IQCJ: variants seen among roughly 807,000 people sequenced by gnomAD.
IQCJ encodes the protein IQ domain-containing protein J.
Under a neutral mutation model 11.0 loss-of-function variants are expected in IQCJ, and 9 were observed. The ratio of observed to expected loss-of-function variants is 0.82; its 90% CI spans 0.49 to 1.43. The LOEUF is 1.43. Ranked by LOEUF, IQCJ falls within the 40% of genes most tolerant of loss-of-function variation. IQCJ has a pLI of 0.00. For synonymous variants in IQCJ, 55 were observed against 51.3 expected, an observed-to-expected ratio of 1.07 and a Z score of -0.31; for missense variants, 146 against 133.2, an observed-to-expected ratio of 1.10 and a Z score of -0.47.
chr3:159,095,334 C>A (rs1717654601), intron 1 of IQCJ, among the ~76,000 whole-genome samples: 1 of 151,704 alleles, frequency 6.6e-6, no homozygotes, highest in Admixed American at 6.6e-5. Flanking sequence ...ATAGAGACGA[C>A]AGATCAAGAG....
intron 1 of IQCJ, among the ~76,000 whole-genome samples, chr3:159,071,845 A>G (rs889803032): frequency 9.2e-5 from 14 of 152,084 alleles, no homozygotes; most frequent in Admixed American, 9.2e-4. Context: ...AATACCTAAA[A>G]TGATTGTAAA....
chr3:159,245,754 G>A (rs768684038), intron 1 of IQCJ, 89 bp from the exon 2 acceptor site: 3 of 1,119,612 alleles, frequency 2.7e-6, no homozygotes, highest in Admixed American at 4.6e-5. Flanking sequence ...ATGTTGTGTT[G>A]TATCAATTTT....
chr3:159,192,160 G>A (rs1338098766), intron 1 of IQCJ, among the ~76,000 whole-genome samples: 1 of 152,156 alleles, frequency 6.6e-6, no homozygotes, highest in Non-Finnish European at 1.5e-5. Context: ...AGATGATCTT[G>A]TTGGTAAAAA....
chr3:159,136,650 G>A (rs1314378642), intron 1 of IQCJ, among the ~76,000 whole-genome samples: 1 of 152,154 alleles, frequency 6.6e-6, no homozygotes, highest in Non-Finnish European at 1.5e-5. Flanking sequence ...GTTCTCACTG[G>A]TGGAAGGAGC....
chr3:159,094,619 C>A lies in IQCJ; in HGVS notation c.9+25178C>A, dbSNP rs539601258. 3.7e-4 allele frequency among the ~76,000 whole-genome samples: 56 copies of A among 151,574 alleles called. 1 individual carries two copies. The highest frequency in any genetic ancestry group is 1.3e-3 in the African/African-American group (53 of 41,042). On this transcript the variant is annotated intron_variant, in intron 1 of 3. Transcript: ENST00000397832. The stretch of plus-strand genomic sequence containing the variant: ...AAAATGGAGAGAGCCAATGTGTCAC[C>A]CTGGGATGAGTTCACTGAGAAGCAG...
At chr3:159,074,313 G>T (rs1715775839) in intron 1 of IQCJ, among the ~76,000 whole-genome samples, 1 of 151,970 alleles carries the variant, frequency 6.6e-6, no homozygotes, top group Non-Finnish European at 1.5e-5. Context: ...AAATAAAAAA[G>T]ACATGAAAAA....
intron 1 of IQCJ, among the ~76,000 whole-genome samples, chr3:159,234,512 A>G (rs1013087318): frequency 1.1e-4 from 17 of 152,166 alleles, no homozygotes; most frequent in African/African-American, 3.9e-4. Context: ...GAGTTAAATT[A>G]TTGGAGATGG....
chr3:159,225,265 T>C (rs1475940197), intron 1 of IQCJ, among the ~76,000 whole-genome samples: 1 of 152,106 alleles, frequency 6.6e-6, no homozygotes, highest in African/African-American at 2.4e-5. Flanking sequence ...CACAAAATTA[T>C]GTGAAAAAAG....
chr3:159,193,726 CA>C (rs1723818591), intron 1 of IQCJ, among the ~76,000 whole-genome samples: 1 of 152,124 alleles, frequency 6.6e-6, no homozygotes, highest in Non-Finnish European at 1.5e-5. Context: ...AACTTGCCAC[CA>C]GTTGGATATT....
At chr3:159,151,957 CCTT>C (rs1721254864) in intron 1 of IQCJ, among the ~76,000 whole-genome samples, 1 of 152,176 alleles carries the variant, frequency 6.6e-6, no homozygotes, top group African/African-American at 2.4e-5. Context: ...TTTTAAGACT[CCTT>C]CTAAATATCA....
chr3:159,166,454 T>C (rs1722170731), intron 1 of IQCJ, among the ~76,000 whole-genome samples: 1 of 152,216 alleles, frequency 6.6e-6, no homozygotes, highest in Non-Finnish European at 1.5e-5. Context: ...TTGATGTCTT[T>C]GGAGTTAAAA....
At chr3:159,174,665 C>T (rs948243722) in intron 1 of IQCJ, among the ~76,000 whole-genome samples, 1 of 152,084 alleles carries the variant, frequency 6.6e-6, no homozygotes, top group Non-Finnish European at 1.5e-5. Context: ...GATCTTTATC[C>T]TAAAGTTGGG....
At chr3:159,154,085 G>C (rs1721378311) in intron 1 of IQCJ, among the ~76,000 whole-genome samples, 1 of 152,300 alleles carries the variant, frequency 6.6e-6, no homozygotes, top group East Asian at 1.9e-4. Flanking sequence ...CCTCTGGAAA[G>C]ACCTTAAAGT....
At chr3:159,092,442 G>A (rs1434817202) in intron 1 of IQCJ, among the ~76,000 whole-genome samples, 1 of 151,886 alleles carries the variant, frequency 6.6e-6, no homozygotes, top group African/African-American at 2.4e-5. Context: ...GCTCACGCCA[G>A]TAATCCCAGC....
chr3:159,200,126 T>G (rs1204531990), intron 1 of IQCJ, among the ~76,000 whole-genome samples: 1 of 148,028 alleles, frequency 6.8e-6, no homozygotes, highest in Non-Finnish European at 1.5e-5. Context: ...TATATCACTT[T>G]GAACAATGCC....
intron 1 of IQCJ, among the ~76,000 whole-genome samples, chr3:159,148,379 A>C (rs1463095720): frequency 3.9e-5 from 6 of 152,226 alleles, no homozygotes; most frequent in Non-Finnish European, 8.8e-5. Flanking sequence ...TGATGTATTA[A>C]GTAAGCAAAC....
At chr3:159,242,359 A>C (rs139560044) in intron 1 of IQCJ, among the ~76,000 whole-genome samples, 10 of 152,334 alleles carry the variant, frequency 6.6e-5, no homozygotes, top group African/African-American at 2.4e-4. Flanking sequence ...CATGACAAGC[A>C]TGTTCAGATG....
In IQCJ at chr3:159,245,872, A is replaced by G. The variant is rs1266773234; in HGVS notation, c.39A>G (p.Leu13=). Residue 13 remains leucine (L), a synonymous_variant, in exon 2 of 4, where the codon CTA becomes CTG. Transcript: ENST00000397832. ...AACTGAAAAGATTGCAGAATCCTCT[A>G]GAACAAGTTAATGATGGAAAATATT... The part of the protein sequence containing the change: ...LEELKRLQNP[L]EQVNDGKYSF... The G allele has an allele frequency of 1.0e-5, 16 of 1,546,616 alleles. No homozygotes were observed. The East Asian group carries it at 3.8e-4, about 37-fold the overall frequency.
chr3:159,247,901 G>A (rs147159417), intron 2 of IQCJ, among the ~76,000 whole-genome samples: 10 of 152,184 alleles, frequency 6.6e-5, no homozygotes, highest in East Asian at 3.9e-4. Context: ...TTTCTCCTTC[G>A]GTTCAAAGAA....
Sources: gnomAD v4.1 joint callset for allele counts (sites outside exome capture counted in the v4.1 genomes callset) on GRCh38, gnomAD v4.1.1 for gene constraint, MANE v1.5 for transcripts, NCBI Gene and HGNC (gene_info 2026-07-23, HGNC 2026-07-21) for gene names.